The following FAT4 variants were observed in gnomAD, a reference collection of about 807,000 sequenced individuals.
FAT4 encodes FAT atypical cadherin 4, also known as protocadherin Fat 4.
A neutral mutation model predicts 303.9 loss-of-function variants in FAT4; 84 were observed. The observed-to-expected ratio is 0.28, with a 90% CI of 0.23 to 0.33. The LOEUF (loss-of-function observed/expected upper bound fraction) is 0.33. Ranked by LOEUF, FAT4 falls within the 10% of genes least tolerant of loss-of-function variation. The pLI is 1.00. For missense variants in FAT4, 6,005 were observed against 6,146.8 expected (o/e 0.98, Z 0.77); for synonymous variants, 2,307 against 2,298.8 (o/e 1.00, Z -0.10).
At chr4:125,367,158 A>T (rs530301882) in intron 2 of FAT4, among the ~76,000 whole-genome samples, 1 of 152,224 alleles carries the variant, frequency 6.6e-6, no homozygotes, top group East Asian at 1.9e-4. Flanking sequence ...CATCGCAAAT[A>T]TGCATCAAAT....
chr4:125,390,189 A>AT (rs939922962), intron 2 of FAT4, among the ~76,000 whole-genome samples: 32 of 150,326 alleles, frequency 2.1e-4, no homozygotes, highest in South Asian at 1.7e-3. Flanking sequence ...TAGGCGTTGA[A>AT]TTTTTTTTTT....
intron 2 of FAT4, among the ~76,000 whole-genome samples, chr4:125,375,360 T>C (rs1382785737): frequency 6.6e-6 from 1 of 152,242 alleles, no homozygotes; most frequent in East Asian, 1.9e-4. Flanking sequence ...CTGAGGCAGT[T>C]AATACAAAGT....
At position 125,487,199 on chromosome 4, in the gene FAT4, G is replaced by A. The variant is rs17009816; in HGVS notation, c.12823-146G>A. 5,413 of 619,090 alleles carry A rather than the reference G, an allele frequency of 8.7e-3. 222 individuals carry two copies. Among genetic ancestry groups the A allele is most frequent in the East Asian group, 0.078 (2,655 of 34,200 alleles). The allele number at this position is 619,090 out of a possible 1,614,324, so 38.3% of individuals were successfully genotyped here. A position where few individuals can be genotyped will look rare whatever the true frequency, so the allele number is the denominator to read the frequency against. The stretch of plus-strand genomic sequence containing the variant: ...CATGTTGCCTAAAATTAGAGACAAA[G>A]TGTGTAAGTATATTCTAATACAACC... On this transcript the variant is annotated intron_variant, in intron 16 of 17. Transcript: ENST00000394329.
chr4:125,481,736 A>T lies in FAT4; in HGVS notation c.12820A>T (p.Lys4274Ter). 2 of 1,613,632 alleles carry T rather than the reference A, an allele frequency of 1.2e-6. No homozygotes were observed. The highest frequency in any genetic ancestry group is 1.7e-6 in the Non-Finnish European group (2 of 1,179,556). Residue 4274 changes from lysine (K) to a stop codon, truncating the protein, a stop_gained and splice_region_variant, in exon 16 of 18, where the codon AAG (lysine) becomes TAG (stop). Coordinates refer to ENST00000394329, the MANE Select transcript of FAT4 (RefSeq NM_001291303.3). LOFTEE classifies it high-confidence loss of function. ...IQESSNYTTV[K>*]IKNGKVYFTS... ...AGAAAGCAGCAATTACACTACTGTG[A>T]AGGTGAGATAAAAGCTAATGGTGAC...
intron 12 of FAT4, 138 bp from the exon 13 acceptor site, chr4:125,476,033 A>G: frequency 2.3e-6 from 1 of 438,000 alleles, no homozygotes; most frequent in East Asian, 3.4e-5. Flanking sequence ...TAATTATGTG[A>G]TTTATACATT....
At chr4:125,385,001 CATAT>C (rs1277413637) in intron 2 of FAT4, among the ~76,000 whole-genome samples, 1,477 of 120,200 alleles carry the variant, frequency 0.012, 41 homozygotes, top group African/African-American at 0.032. Context: ...TATATATATA[CATAT>C]ATATATATAT....
intron 11 of FAT4, among the ~76,000 whole-genome samples, chr4:125,467,399 G>A (rs1726703724): frequency 6.6e-6 from 1 of 152,142 alleles, no homozygotes; most frequent in Admixed American, 6.5e-5. Context: ...ATTAAGAAAT[G>A]AAACTTTTGC....
chr4:125,489,448 G>A (rs1305422348), intron 17 of FAT4, among the ~76,000 whole-genome samples: 2 of 152,126 alleles, frequency 1.3e-5, no homozygotes, highest in Non-Finnish European at 2.9e-5. Flanking sequence ...CACCTTTGGT[G>A]TATTATCACC....
At chr4:125,485,962 A>C (rs532967644) in intron 16 of FAT4, among the ~76,000 whole-genome samples, 1 of 152,314 alleles carries the variant, frequency 6.6e-6, no homozygotes, top group Admixed American at 6.5e-5. Context: ...AGAATTATAT[A>C]AGTGTTAAGT....
chr4:125,459,820 C>T (rs951774019), intron 10 of FAT4, among the ~76,000 whole-genome samples: 1 of 152,018 alleles, frequency 6.6e-6, no homozygotes, highest in Non-Finnish European at 1.5e-5. Flanking sequence ...GATTATTGTA[C>T]CAAGAGCATG....
intron 2 of FAT4, among the ~76,000 whole-genome samples, chr4:125,327,055 T>C (rs1731186582): frequency 6.6e-6 from 1 of 152,140 alleles, no homozygotes; most frequent in Admixed American, 6.6e-5. Context: ...TTTTATGTAT[T>C]GTGTAAAATA....
chr4:125,402,064 A>C (rs1391518305), intron 3 of FAT4, among the ~76,000 whole-genome samples: 2 of 151,940 alleles, frequency 1.3e-5, no homozygotes, highest in African/African-American at 2.4e-5. Context: ...ATTTTCAGAC[A>C]TTCACTAATA....
chr4:125,446,467 G>A lies in FAT4; in HGVS notation c.7374G>A (p.Val2458=). 2 of 1,613,328 alleles carry A rather than the reference G, an allele frequency of 1.2e-6. No individual in the cohort carries two copies. The highest frequency in any genetic ancestry group is 2.2e-5 in the South Asian group (2 of 91,060). ...GTTCCACCAGTGTGCTTGTCACTGT[G>A]ACTGATGTCAATGACAATCCACCAA... ...LSSSTSVLVT[V]TDVNDNPPRF... The change falls in exon 9 of 18, where the codon GTG becomes GTA. Residue 2458 remains valine (V), a synonymous_variant. Transcript: ENST00000394329.
intron 2 of FAT4, among the ~76,000 whole-genome samples, chr4:125,346,649 A>G (rs912995450): frequency 1.3e-5 from 2 of 151,982 alleles, no homozygotes; most frequent in Non-Finnish European, 1.5e-5. Context: ...AACATTTACA[A>G]CACGTGAGAA....
rs973282739 is a variant in FAT4 at position 125,318,027 on chromosome 4, G to A, written c.1616G>A (p.Gly539Asp). The change falls in exon 2 of 18, where the codon GGC becomes GAC. Residue 539 changes from glycine (G) to aspartate (D), a missense_variant. Physicochemically the swap from Gly to Asp is moderately conservative, Grantham distance 94. Transcript: ENST00000394329. ...CTCGTGACCACTGGGTCCTCTGGGG[G>A]CCTGGACCGTGAACTTGCTTCCCAG... ...SGLVTTGSSG[G>D]LDRELASQIV... is the part of the protein sequence containing the mutation. The A allele has an allele frequency of 3.7e-6, 6 of 1,614,042 alleles. No individual in the cohort carries two copies. Among genetic ancestry groups the A allele is most frequent in the Non-Finnish European group, 5.1e-6 (6 of 1,180,040 alleles).
At chr4:125,423,575 G>T (rs1054129610) in intron 7 of FAT4, among the ~76,000 whole-genome samples, 1 of 152,214 alleles carries the variant, frequency 6.6e-6, no homozygotes, top group Non-Finnish European at 1.5e-5. Context: ...AAATTTAATT[G>T]TTAAATAAAG....
Position 125,491,811 on chromosome 4 carries a change from TACTC to T in FAT4, c.*45_*48del, listed in dbSNP as rs753631710. 6.6e-7 allele frequency: 1 copy of T among 1,514,182 alleles called. No individual in the cohort carries two copies. Among genetic ancestry groups the T allele is most frequent in the South Asian group, 1.3e-5 (1 of 74,370 alleles). 93.8% of individuals were successfully genotyped at this position (1,514,182 alleles called of 1,614,324 possible). ...TATAAAATATAAAAACAAGAAATAA[TACTC>T]AAACCATTGTAAAGTTGCTGACTAG... On this transcript the variant is annotated 3_prime_UTR_variant, in exon 18 of 18. Transcript: ENST00000394329.
intron 8 of FAT4, among the ~76,000 whole-genome samples, chr4:125,440,237 G>A (rs1725606001): frequency 6.6e-6 from 1 of 151,784 alleles, no homozygotes; most frequent in African/African-American, 2.4e-5. Flanking sequence ...CAACATTCTT[G>A]AAAGCTTCAC....
chr4:125,468,532 G>A lies in FAT4; in HGVS notation c.11926G>A (p.Glu3976Lys), dbSNP rs1726747731. ...CPFGVFGKHC[E>K]LNSYGFEELS... Reference sequence around the variant, plus strand: ...AACAGGTGTCTTTGGAAAACACTGCGAGTTGAACAGTTATGGATTTGAGGA... The same window carrying A: ...AACAGGTGTCTTTGGAAAACACTGCAAGTTGAACAGTTATGGATTTGAGGA... The change falls in exon 12 of 18, where the codon GAG (glutamate) becomes AAG (lysine). Residue 3976 changes from glutamate to lysine, a missense_variant. By Grantham distance (56) the Glu-to-Lys change is moderately conservative. Coordinates refer to ENST00000394329, the MANE Select transcript of FAT4 (RefSeq NM_001291303.3). The A allele has an allele frequency of 2.5e-6, 4 of 1,579,112 alleles. No individual in the cohort carries two copies. The East Asian group carries it at 6.8e-5, about 27-fold the overall frequency.
Sources: allele counts gnomAD v4.1 joint callset (sites outside exome capture counted in the v4.1 genomes callset), GRCh38; gene constraint gnomAD v4.1.1; transcripts MANE v1.5; gene names NCBI Gene and HGNC (gene_info 2026-07-23, HGNC 2026-07-21).